RTF1: variants seen among roughly 807,000 people sequenced by gnomAD.
The protein encoded by RTF1 is RNA polymerase-associated protein RTF1 homolog.
RTF1 carries 10 observed loss-of-function variants against 95.7 expected under a neutral mutation model. The observed-to-expected ratio is 0.10, with a 90% CI of 0.06 to 0.18. The LOEUF (loss-of-function observed/expected upper bound fraction) is 0.18. Among genes scored for constraint, RTF1 ranks in the 10% least tolerant of loss-of-function variants. The pLI is 1.00. For synonymous variants in RTF1, 305 were observed against 311.8 expected (o/e 0.98, Z 0.23); for missense variants, 458 against 875.6 (o/e 0.52, Z 6.02).
intron 2 of RTF1, among the ~76,000 whole-genome samples, chr15:41,439,031 A>ATT (rs2050719361): frequency 1.5e-5 from 1 of 65,272 alleles, no homozygotes. Flanking sequence ...TTTTTCTTTT[A>ATT]TTTTCTTTTT....
At chr15:41,442,864 C>T (rs2050742710) in intron 2 of RTF1, among the ~76,000 whole-genome samples, 5 of 151,978 alleles carry the variant, frequency 3.3e-5, no homozygotes. Context: ...CCAGGCTGGG[C>T]CCCAGAGTGA....
At chr15:41,425,058 C>T (rs2050621995) in intron 1 of RTF1, among the ~76,000 whole-genome samples, 1 of 152,046 alleles carries the variant, frequency 6.6e-6, no homozygotes, top group Non-Finnish European at 1.5e-5. Context: ...GCGTCAGCCT[C>T]CCCGGTGGCT....
At chr15:41,441,895 T>A (rs2050737803) in intron 2 of RTF1, among the ~76,000 whole-genome samples, 1 of 152,194 alleles carries the variant, frequency 6.6e-6, no homozygotes, top group Non-Finnish European at 1.5e-5. Flanking sequence ...AAGATGCCTG[T>A]TTTTCTGTTT....
chr15:41,457,300 G>A (rs1457471515), intron 3 of RTF1, among the ~76,000 whole-genome samples: 1 of 151,310 alleles, frequency 6.6e-6, no homozygotes, highest in African/African-American at 2.4e-5. Context: ...CTGGGAGGCC[G>A]AGGTGGGCAG....
chr15:41,472,892 G>A (rs1362408860), intron 8 of RTF1, among the ~76,000 whole-genome samples: 1 of 151,776 alleles, frequency 6.6e-6, no homozygotes, highest in African/African-American at 2.4e-5. Flanking sequence ...TAGTGGAGAT[G>A]GGGTTTCACC....
intron 4 of RTF1, among the ~76,000 whole-genome samples, chr15:41,460,278 A>G (rs895302041): frequency 6.6e-6 from 1 of 151,288 alleles, no homozygotes; most frequent in Non-Finnish European, 1.5e-5. Flanking sequence ...GCCCGCCACA[A>G]CGCCCGGCTA....
intron 1 of RTF1, among the ~76,000 whole-genome samples, chr15:41,431,751 G>A (rs892168148): frequency 1.3e-5 from 2 of 152,030 alleles, no homozygotes; most frequent in East Asian, 1.9e-4. Flanking sequence ...AGCCCTCGTC[G>A]GCTTCCCAAA....
intron 5 of RTF1, 21 bp downstream of exon 5, chr15:41,464,906 C>A: frequency 1.3e-6 from 2 of 1,516,420 alleles, no homozygotes; most frequent in South Asian, 1.3e-5. Flanking sequence ...CAGTGTTCCT[C>A]ATTGTCCAAA....
At chr15:41,444,830 A>C (rs1423458092) in intron 2 of RTF1, among the ~76,000 whole-genome samples, 1 of 152,200 alleles carries the variant, frequency 6.6e-6, no homozygotes, top group Non-Finnish European at 1.5e-5. Context: ...TCAGGAAGCC[A>C]GGGAATGCCA....
chr15:41,452,539 G>T (rs975533486), intron 2 of RTF1, among the ~76,000 whole-genome samples: 5 of 152,170 alleles, frequency 3.3e-5, no homozygotes, highest in African/African-American at 1.2e-4. Flanking sequence ...TTCAAGACCA[G>T]CCTGGGCAAC....
chr15:41,454,891 T>C (rs2050805049), intron 3 of RTF1, among the ~76,000 whole-genome samples: 1 of 152,230 alleles, frequency 6.6e-6, no homozygotes, highest in Non-Finnish European at 1.5e-5. Context: ...AGTTTGTGAA[T>C]ACCCATATGT....
chr15:41,477,576 C>T, intron 14 of RTF1, 61 bp downstream of exon 14: 1 of 1,465,718 alleles, frequency 6.8e-7, no homozygotes, highest in East Asian at 2.3e-5. Flanking sequence ...GACATCTTTT[C>T]TACATCTTGC....
chr15:41,430,287 G>C (rs920887530), intron 1 of RTF1, among the ~76,000 whole-genome samples: 1 of 149,798 alleles, frequency 6.7e-6, no homozygotes, highest in Middle Eastern at 3.5e-3. Flanking sequence ...TCCACCTCCC[G>C]GGTTCAAGCG....
At chr15:41,430,214 C>A (rs552095452) in intron 1 of RTF1, among the ~76,000 whole-genome samples, 6 of 144,702 alleles carry the variant, frequency 4.1e-5, no homozygotes, top group South Asian at 2.2e-4. Flanking sequence ...AGTCTCGCTG[C>A]CCCCTAGGCT....
In RTF1 at chr15:41,468,995, A is replaced by C. The variant is rs185932734; in HGVS notation, c.890-1262A>C. 3.3e-5 allele frequency among the ~76,000 whole-genome samples: 5 copies of C among 151,204 alleles called. No homozygotes were observed. In the East Asian group the frequency reaches 9.8e-4, roughly 30 times the overall value. ...TTCTCTCTCTCTTTTTTGAGACAGG[A>C]TCTCTCTCTGTTACTCAGTCTGGAG... is the stretch of plus-strand genomic sequence containing the variant. On this transcript the variant is annotated intron_variant, in intron 6 of 17. Transcript: ENST00000389629.
chr15:41,449,295 A>G (rs1387356852), intron 2 of RTF1, among the ~76,000 whole-genome samples: 1 of 142,486 alleles, frequency 7.0e-6, no homozygotes, highest in Non-Finnish European at 1.5e-5. Flanking sequence ...CAGTGGTACG[A>G]ACTCGGCTCA....
At chr15:41,461,791 C>T (rs954982437) in intron 4 of RTF1, among the ~76,000 whole-genome samples, 1 of 151,534 alleles carries the variant, frequency 6.6e-6, no homozygotes, top group Non-Finnish European at 1.5e-5. Context: ...GCCCGCCGGC[C>T]TGGCTAATTT....
intron 1 of RTF1, among the ~76,000 whole-genome samples, chr15:41,424,473 T>C (rs543470335): frequency 3.9e-5 from 6 of 152,252 alleles, no homozygotes; most frequent in Non-Finnish European, 5.9e-5. Context: ...ACTAGTTGCA[T>C]AGTTGGAGAG....
intron 1 of RTF1, among the ~76,000 whole-genome samples, chr15:41,420,976 A>G (rs935029717): frequency 2.0e-5 from 3 of 152,216 alleles, no homozygotes; most frequent in African/African-American, 7.2e-5. Flanking sequence ...CACTATAAGT[A>G]TTTAGAAGAG....
Sources: allele counts gnomAD v4.1 joint callset (sites outside exome capture counted in the v4.1 genomes callset), GRCh38; gene constraint gnomAD v4.1.1; transcripts MANE v1.5; gene names NCBI Gene and HGNC (gene_info 2026-07-23, HGNC 2026-07-21).